Variants in SLC30A4 observed in about 807,000 individuals in gnomAD.
SLC30A4 encodes probable proton-coupled zinc antiporter SLC30A4.
SLC30A4 carries 20 observed loss-of-function variants against 41.7 expected under a neutral mutation model. The ratio of observed to expected loss-of-function variants is 0.48; its 90% confidence interval spans 0.34 to 0.70. The LOEUF is 0.70. Ranked by LOEUF, SLC30A4 falls within the 30% of genes least tolerant of loss-of-function variation. The pLI is 0.01. For synonymous variants in SLC30A4, 181 were observed against 195.9 expected (o/e 0.92, Z 0.64); for missense variants, 441 against 529.3 (o/e 0.83, Z 1.64).
chr15:45,504,619 T>A (rs1892110907), intron 3 of SLC30A4, among the ~76,000 whole-genome samples: 1 of 152,226 alleles, frequency 6.6e-6, no homozygotes, highest in African/African-American at 2.4e-5. Context: ...AAAAGCTACA[T>A]ATAAACCTTG....
intron 2 of SLC30A4, among the ~76,000 whole-genome samples, chr15:45,516,119 T>A (rs1049177455): frequency 9.9e-5 from 15 of 152,188 alleles, no homozygotes; most frequent in Non-Finnish European, 1.5e-5. Context: ...TGATCTTTTA[T>A]CTCTGAGTAT....
intron 3 of SLC30A4, among the ~76,000 whole-genome samples, chr15:45,496,760 C>A (rs1282764510): frequency 6.6e-6 from 1 of 151,696 alleles, no homozygotes; most frequent in Non-Finnish European, 1.5e-5. Context: ...CTTTGGGAAG[C>A]TGAGGAGGAC....
intron 2 of SLC30A4, among the ~76,000 whole-genome samples, chr15:45,516,789 G>C (rs1416255487): frequency 6.6e-6 from 1 of 151,964 alleles, no homozygotes; most frequent in African/African-American, 2.4e-5. Context: ...AGAATCACTT[G>C]AATCCGGGAG....
intron 6 of SLC30A4, among the ~76,000 whole-genome samples, 187 bp from the exon 7 acceptor site, chr15:45,486,932 T>C (rs998627667): frequency 6.6e-6 from 1 of 151,216 alleles, no homozygotes; most frequent in African/African-American, 2.4e-5. Context: ...GTAAGATATA[T>C]ACAAGAGGGT....
At chr15:45,492,582 A>G (rs1891830709) in intron 3 of SLC30A4, among the ~76,000 whole-genome samples, 1 of 152,188 alleles carries the variant, frequency 6.6e-6, no homozygotes, top group Non-Finnish European at 1.5e-5. Context: ...ATTGGAAACA[A>G]CCAAAAAAGT....
chr15:45,504,909 C>T (rs1352007141), intron 3 of SLC30A4, among the ~76,000 whole-genome samples: 1 of 152,092 alleles, frequency 6.6e-6, no homozygotes, highest in African/African-American at 2.4e-5. Flanking sequence ...TTTGTTGCCT[C>T]TCATGGGTCC....
intron 3 of SLC30A4, among the ~76,000 whole-genome samples, chr15:45,504,970 C>T (rs1482567791): frequency 6.6e-6 from 1 of 152,060 alleles, no homozygotes; most frequent in Non-Finnish European, 1.5e-5. Flanking sequence ...GTGGCTCACG[C>T]CTGTAATCCC....
Position 45,511,157 on chromosome 15 carries a change from G to A in SLC30A4, c.519C>T (p.Thr173=), listed in dbSNP as rs1411377579. 1 of 1,613,590 alleles carries A rather than the reference G, an allele frequency of 6.2e-7. No individual in the cohort carries two copies. The highest frequency in any genetic ancestry group is 1.1e-5 in the South Asian group (1 of 90,964). Residue 173 remains threonine, a synonymous_variant, in exon 3 of 8, where the codon ACC becomes ACT. Transcript: ENST00000261867. ...LSSKSPTKRF[T]FGFHRLEVLS... ...ACCTACCTAAGCGATGAAATCCAAAGGTGAATCTTTTGGTTGGTGATTTTG... is the reference window on the plus strand; with the variant it reads ...ACCTACCTAAGCGATGAAATCCAAAAGTGAATCTTTTGGTTGGTGATTTTG...
intron 3 of SLC30A4, chr15:45,503,038 G>A (rs1037725553): frequency 8.7e-5 from 13 of 149,984 alleles, no homozygotes; most frequent in Admixed American, 5.3e-4. Flanking sequence ...ATTTACACAC[G>A]AATTTCAGAA....
intron 2 of SLC30A4, 147 bp downstream of exon 2, chr15:45,521,817 C>T: frequency 1.4e-6 from 1 of 735,994 alleles, no homozygotes; most frequent in Non-Finnish European, 2.2e-6. Context: ...CACTTTGGAA[C>T]CGTGTGGCCT....
rs1300660090 is a variant in SLC30A4 at position 45,490,975 on chromosome 15, C to T, written c.539-94G>A. On this transcript the variant is annotated intron_variant, in intron 3 of 7. Transcript: ENST00000261867. The stretch of plus-strand genomic sequence containing the variant: ...TTATATAGTCTTTTTTATATTCTTT[C>T]CTCTAAGGAGATAAAAGCCCTCTAT... The T allele has an allele frequency of 3.6e-6, 3 of 823,026 alleles. No individual in the cohort carries two copies. In the East Asian group the frequency reaches 8.4e-5, roughly 23 times the overall value. 51.0% of individuals were successfully genotyped at this position (823,026 alleles called of 1,614,324 possible). A position where few individuals can be genotyped will look rare whatever the true frequency, so the allele number is the denominator to read the frequency against.
chr15:45,522,169 A>T lies in SLC30A4; in HGVS notation c.186T>A (p.Val62=), dbSNP rs776048356. 3 of 1,614,204 alleles carry T rather than the reference A, an allele frequency of 1.9e-6. No homozygotes were observed. Among genetic ancestry groups the T allele is most frequent in the Non-Finnish European group, 2.5e-6 (3 of 1,180,040 alleles). ...CCTGGAGGGTCGGGTGCGCCCCGTT[A>T]ACAGGCCTTTCCGGGGCTTCGGAAC... ...DDGSEAPERP[V]NGAHPTLQAD... Residue 62 remains valine, a synonymous_variant, in exon 2 of 8, where the codon GTT becomes GTA. Coordinates refer to ENST00000261867, the MANE Select transcript of SLC30A4 (RefSeq NM_013309.6).
chr15:45,522,112 T>C lies in SLC30A4; in HGVS notation c.243A>G (p.Leu81=). 5 of 1,614,142 alleles carry C rather than the reference T, an allele frequency of 3.1e-6. No individual in the cohort carries two copies. Among genetic ancestry groups the C allele is most frequent in the Non-Finnish European group, 4.2e-6 (5 of 1,180,020 alleles). Reference sequence around the variant, plus strand: ...AACTCAGCTGACTGTTGGTCAAAGGTAAGTCTTGGTCCAGTAAGGAATCAT... The same window carrying C: ...AACTCAGCTGACTGTTGGTCAAAGGCAAGTCTTGGTCCAGTAAGGAATCAT... ...ADDDSLLDQD[L]PLTNSQLSLK... Residue 81 remains leucine, a synonymous_variant, in exon 2 of 8, where the codon TTA becomes TTG. Coordinates refer to ENST00000261867, the MANE Select transcript of SLC30A4 (RefSeq NM_013309.6).
Position 45,522,279 on chromosome 15 carries a change from T to C in SLC30A4, c.76A>G (p.Thr26Ala), listed in dbSNP as rs761065826. 27 of 1,613,746 alleles carry C rather than the reference T, an allele frequency of 1.7e-5. No individual in the cohort carries two copies. The highest frequency in any genetic ancestry group is 2.3e-5 in the Non-Finnish European group (27 of 1,179,988). Residue 26 changes from threonine to alanine, a missense_variant, in exon 2 of 8, where the codon ACC becomes GCC. By Grantham distance (58) the Thr-to-Ala change is moderately conservative. This residue lies in a region of SLC30A4 where 312 missense variants were observed against 341.9 expected (regional missense o/e 0.91). Coordinates refer to ENST00000261867, the MANE Select transcript of SLC30A4 (RefSeq NM_013309.6). ...KDDAPLFLND[T>A]SAFDFSDEAG... is the part of the protein sequence containing the mutation. ...TCATCCGAGAAGTCAAAGGCGCTGG[T>C]GTCATTTAAAAACAGCGGCGCATCA...
chr15:45,504,335 T>G (rs1486255412), intron 3 of SLC30A4, among the ~76,000 whole-genome samples: 10 of 152,188 alleles, frequency 6.6e-5, no homozygotes, highest in Non-Finnish European at 1.5e-4. Flanking sequence ...TCAAAACTAT[T>G]CATAAGCAAA....
chr15:45,481,201 T>C lies in SLC30A4; in HGVS notation c.*3962A>G, dbSNP rs1476651957. On this transcript the variant is annotated 3_prime_UTR_variant, in exon 8 of 8. Transcript: ENST00000261867. ...CAAAGTTGAAAAGAAAACAGTAAAATAAGAAACCCGGTGATGTGGCAAAAA... is the reference window on the plus strand; with the variant it reads ...CAAAGTTGAAAAGAAAACAGTAAAACAAGAAACCCGGTGATGTGGCAAAAA... The C allele has an allele frequency of 6.6e-6, 1 of 152,070 alleles. No individual in the cohort carries two copies. Among genetic ancestry groups the C allele is most frequent in the African/African-American group, 2.4e-5 (1 of 41,428 alleles). 9.4% of individuals were successfully genotyped at this position (152,070 alleles called of 1,614,324 possible).
chr15:45,489,177 G>A, intron 4 of SLC30A4, 135 bp from the exon 5 acceptor site: 3 of 684,350 alleles, frequency 4.4e-6, no homozygotes. Context: ...TATCAGTACT[G>A]TTCTAGGTAC....
chr15:45,495,712 A>T (rs1244437534), intron 3 of SLC30A4, among the ~76,000 whole-genome samples: 1 of 152,196 alleles, frequency 6.6e-6, no homozygotes, highest in East Asian at 1.9e-4. Flanking sequence ...TACAAGGCCC[A>T]CTATATTCTG....
intron 3 of SLC30A4, among the ~76,000 whole-genome samples, chr15:45,503,415 G>A (rs925448533): frequency 4.0e-5 from 6 of 151,792 alleles, no homozygotes; most frequent in African/African-American, 1.5e-4. Flanking sequence ...TCAGGAGTTC[G>A]AGACCAGCAT....
Sources: allele counts gnomAD v4.1 joint callset (sites outside exome capture counted in the v4.1 genomes callset), GRCh38; gene constraint gnomAD v4.1.1; regional missense constraint gnomAD v4.1.1; transcripts MANE v1.5; gene names NCBI Gene and HGNC (gene_info 2026-07-23, HGNC 2026-07-21).